Variants in NT5C1A observed in about 807,000 individuals in gnomAD.
The protein encoded by NT5C1A is cytosolic 5'-nucleotidase 1A.
A neutral mutation model predicts 31.0 loss-of-function variants in NT5C1A; 18 were observed. The ratio of observed to expected loss-of-function variants is 0.58; its 90% CI spans 0.40 to 0.86. The LOEUF (loss-of-function observed/expected upper bound fraction) is 0.86. NT5C1A is among the 40% of genes least tolerant of loss of function. NT5C1A has a pLI of 0.00. For missense variants in NT5C1A, 470 were observed against 505.4 expected (o/e 0.93, Z 0.67); for synonymous variants, 185 against 203.6 (o/e 0.91, Z 0.78).
chr1:39,671,443 G>A (rs1022787455), intron 1 of NT5C1A, among the ~76,000 whole-genome samples: 1 of 152,186 alleles, frequency 6.6e-6, no homozygotes, highest in East Asian at 1.9e-4. Context: ...CAGGGCCCAG[G>A]ACCCAGAGCC....
intron 3 of NT5C1A, among the ~76,000 whole-genome samples, chr1:39,664,436 G>T (rs1351772260): frequency 5.1e-5 from 7 of 137,822 alleles, no homozygotes; most frequent in African/African-American, 1.9e-4. Flanking sequence ...GTGAGCCACC[G>T]TGCCTGGCCA....
At chr1:39,667,981 G>A (rs1646532569) in intron 1 of NT5C1A, among the ~76,000 whole-genome samples, 1 of 152,250 alleles carries the variant, frequency 6.6e-6, no homozygotes, top group African/African-American at 2.4e-5. Flanking sequence ...CCAAGGTCAT[G>A]TGGTAGACCT....
intron 1 of NT5C1A, among the ~76,000 whole-genome samples, chr1:39,670,863 C>G (rs1362368424): frequency 1.8e-5 from 2 of 113,382 alleles, no homozygotes; most frequent in Non-Finnish European, 3.9e-5. Flanking sequence ...GATGTCACTA[C>G]TCTACTCCCC....
chr1:39,665,466 G>A, intron 3 of NT5C1A, 55 bp downstream of exon 3: 1 of 1,542,834 alleles, frequency 6.5e-7, no homozygotes, highest in Non-Finnish European at 8.8e-7. Flanking sequence ...CCATCCCTGG[G>A]GGGTCTGGTA....
In NT5C1A at chr1:39,656,787, G is replaced by A. The variant is rs979909686; in HGVS notation, c.*2334C>T. Among the ~76,000 whole-genome samples the A allele has an allele frequency of 5.3e-5, 8 of 152,250 alleles. No individual in the cohort carries two copies. Among genetic ancestry groups the A allele is most frequent in the African/African-American group, 1.9e-4 (8 of 41,470 alleles). On this transcript the variant is annotated 3_prime_UTR_variant, in exon 6 of 6. Transcript: ENST00000235628. ...GCCTTGTAGGCTTCTTGCAGTCACT[G>A]GTTCTGTGAGCCTTGGAGGCTCTTC...
chr1:39,659,803 A>G (rs1276925992), intron 5 of NT5C1A, among the ~76,000 whole-genome samples: 4 of 152,194 alleles, frequency 2.6e-5, no homozygotes, highest in African/African-American at 9.7e-5. Context: ...TTCGATGCCC[A>G]TCAACAGGGG....
At chr1:39,663,069 T>A (rs1013007326) in intron 4 of NT5C1A, among the ~76,000 whole-genome samples, 7 of 152,202 alleles carry the variant, frequency 4.6e-5, no homozygotes, top group Non-Finnish European at 1.5e-5. Flanking sequence ...GAAGGCTGGG[T>A]GATGCTGAGA....
chr1:39,666,311 T>C, intron 1 of NT5C1A, 75 bp from the exon 2 acceptor site: 1 of 1,462,926 alleles, frequency 6.8e-7, no homozygotes, highest in Non-Finnish European at 9.4e-7. Context: ...TGAGTCTCCC[T>C]GGGTAGTGAG....
chr1:39,657,754 C>A lies in NT5C1A; in HGVS notation c.*1367G>T, dbSNP rs947322723. Among the ~76,000 whole-genome samples the A allele has an allele frequency of 2.0e-5, 3 of 152,242 alleles. No homozygotes were observed. Among genetic ancestry groups the A allele is most frequent in the Admixed American group, 1.3e-4 (2 of 15,280 alleles). ...GGGAGGTTATCTCATCCTGGAAGCC[C>A]TTGCTCAGCATCCACTGATGGAGAG... On this transcript the variant is annotated 3_prime_UTR_variant, in exon 6 of 6. Coordinates refer to ENST00000235628, the MANE Select transcript of NT5C1A (RefSeq NM_032526.3).
At chr1:39,668,305 T>A (rs1005990534) in intron 1 of NT5C1A, among the ~76,000 whole-genome samples, 4 of 152,130 alleles carry the variant, frequency 2.6e-5, no homozygotes, top group Non-Finnish European at 5.9e-5. Context: ...CCCAGCCCCA[T>A]TAGGCAGGTT....
chr1:39,665,461 C>G (rs1435752199), intron 3 of NT5C1A, 60 bp downstream of exon 3: 1 of 1,529,782 alleles, frequency 6.5e-7, no homozygotes, highest in East Asian at 2.4e-5. Flanking sequence ...TGGCCCCATC[C>G]CTGGGGGGTC....
In NT5C1A at chr1:39,659,500, A is replaced by G. The variant is rs1570456339; in HGVS notation, c.742-14T>C. On this transcript the variant is annotated splice_polypyrimidine_tract_variant and intron_variant, in intron 5 of 5. Transcript: ENST00000235628. ...CTTTAAGGGGCCCTATGAGAAGGCA[A>G]GGGGAACATTGTTAGCTCTACCACC... 1.3e-6 allele frequency: 2 copies of G among 1,542,200 alleles called. No homozygotes were observed. The highest frequency in any genetic ancestry group is 1.4e-5 in the African/African-American group (1 of 72,616).
intron 1 of NT5C1A, 130 bp from the exon 2 acceptor site, chr1:39,666,366 G>T (rs1646522467): frequency 1.2e-6 from 1 of 846,802 alleles, no homozygotes. Context: ...AAGAGGCCCA[G>T]CCTTGAGCAG....
chr1:39,665,136 T>C (rs1377551565), intron 3 of NT5C1A, among the ~76,000 whole-genome samples: 1 of 152,228 alleles, frequency 6.6e-6, no homozygotes, highest in Admixed American at 6.5e-5. Context: ...TTGTGAGGCC[T>C]GTTAGCCCCA....
intron 4 of NT5C1A, 151 bp from the exon 5 acceptor site, chr1:39,661,414 G>A: frequency 2.0e-6 from 1 of 497,050 alleles, no homozygotes; most frequent in Non-Finnish European, 3.7e-6. Context: ...AAAACTGGTA[G>A]TGCATGGATC....
rs11306359 is a variant in NT5C1A, at chr1:39,670,869, T to TCCC, written c.135+1032_135+1034dup. On this transcript the variant is annotated intron_variant, in intron 1 of 5. Transcript: ENST00000235628. ...CCCCAGTGTGATGTCACTACTCTAC[T>TCCC]CCCCCCCCAACTCCCCTAGGCTCTC... Among the ~76,000 whole-genome samples, 3 of 150,280 alleles carry TCCC rather than the reference T, an allele frequency of 2.0e-5. No homozygotes were observed. The East Asian group carries it at 5.9e-4, about 30-fold the overall frequency.
intron 1 of NT5C1A, among the ~76,000 whole-genome samples, chr1:39,670,766 G>A (rs1646546629): frequency 6.6e-6 from 1 of 152,108 alleles, no homozygotes; most frequent in African/African-American, 2.4e-5. Flanking sequence ...ACTTTTGCCT[G>A]TCCTGTTTCC....
In NT5C1A at chr1:39,655,373, G is replaced by A. The variant is rs895877563; in HGVS notation, c.*3748C>T. Among the ~76,000 whole-genome samples the A allele has an allele frequency of 6.6e-6, 1 of 152,226 alleles. No individual in the cohort carries two copies. Among genetic ancestry groups the A allele is most frequent in the African/African-American group, 2.4e-5 (1 of 41,466 alleles). ...TCTCAAAACTTGGGATTGTTTGGAAGTGCTTCTGGGGGTTCACAAACGTTT... is the reference window on the plus strand; with the variant it reads ...TCTCAAAACTTGGGATTGTTTGGAAATGCTTCTGGGGGTTCACAAACGTTT... On this transcript the variant is annotated 3_prime_UTR_variant, in exon 6 of 6. Transcript: ENST00000235628.
In NT5C1A at chr1:39,672,069, A is replaced by AGGC; in HGVS notation, c.-34_-32dup. On this transcript the variant is annotated 5_prime_UTR_variant, in exon 1 of 6. Coordinates refer to ENST00000235628, the MANE Select transcript of NT5C1A (RefSeq NM_032526.3). Reference sequence around the variant, plus strand: ...GGCTCTGACCCGGCCCGGCCAGAGCAGGCGGCGGCGTAGACGCGGAGGTGG... The same window carrying AGGC: ...GGCTCTGACCCGGCCCGGCCAGAGCAGGCGGCGGCGGCGTAGACGCGGAGGTGG... The AGGC allele has an allele frequency of 4.6e-6, 7 of 1,536,144 alleles. No homozygotes were observed. The highest frequency in any genetic ancestry group is 6.1e-6 in the Non-Finnish European group (7 of 1,152,728).
Sources: allele counts gnomAD v4.1 joint callset (sites outside exome capture counted in the v4.1 genomes callset), GRCh38; gene constraint gnomAD v4.1.1; transcripts MANE v1.5; gene names NCBI Gene and HGNC (gene_info 2026-07-23, HGNC 2026-07-21).